Variants in GPC5 observed in about 807,000 individuals in gnomAD.
GPC5 encodes glypican-5.
GPC5 carries 47 observed loss-of-function variants against 53.9 expected under a neutral mutation model. That is an observed-to-expected ratio of 0.87 (90% CI 0.69 to 1.11). The LOEUF (loss-of-function observed/expected upper bound fraction) is 1.11, where lower values mean the gene tolerates loss of function less well. Among genes scored for constraint, GPC5 ranks in the 50% most tolerant of loss-of-function variants. GPC5 has a pLI of 0.00. For synonymous variants in GPC5, 286 were observed against 263.3 expected (o/e 1.09, Z -0.84); for missense variants, 748 against 713.1 (o/e 1.05, Z -0.56).
At position 92,212,038 on chromosome 13, in the gene GPC5, G is replaced by C. The variant is rs114092622; in HGVS notation, c.1561+67049G>C. 8.5e-3 allele frequency among the ~76,000 whole-genome samples: 1,290 copies of C among 151,826 alleles called. 24 individuals carry two copies. The highest frequency in any genetic ancestry group is 0.029 in the African/African-American group (1,207 of 41,308). Reference sequence around the variant, plus strand: ...CTTTGGGAAGTGATTGGGTCACAAGGGTGGAGCCCTGTTCCGCAGGTGGTA... The same window carrying C: ...CTTTGGGAAGTGATTGGGTCACAAGCGTGGAGCCCTGTTCCGCAGGTGGTA... On this transcript the variant is annotated intron_variant, in intron 7 of 7. Coordinates refer to ENST00000377067, the MANE Select transcript of GPC5 (RefSeq NM_004466.6).
chr13:91,416,624 A>G (rs1222121367), intron 1 of GPC5, among the ~76,000 whole-genome samples: 1 of 150,970 alleles, frequency 6.6e-6, no homozygotes, highest in African/African-American at 2.4e-5. Context: ...CCACCCCCTG[A>G]CAGGCCCTGG....
At chr13:92,433,085 A>G (rs756731773) in intron 7 of GPC5, among the ~76,000 whole-genome samples, 50 of 152,310 alleles carry the variant, frequency 3.3e-4, no homozygotes, top group Middle Eastern at 3.4e-3. Flanking sequence ...ATGTTTTAAG[A>G]TAGTTAATAC....
Position 92,499,493 on chromosome 13 carries a change from A to C in GPC5, c.1561+354504A>C, listed in dbSNP as rs75812560. On this transcript the variant is annotated intron_variant, in intron 7 of 7. Transcript: ENST00000377067. ...TGAAAATGTTTTCATAATGTGATTGACAACACCGAATATCTAGCCAAAGTA... is the reference window on the plus strand; with the variant it reads ...TGAAAATGTTTTCATAATGTGATTGCCAACACCGAATATCTAGCCAAAGTA... Among the ~76,000 whole-genome samples, 548 of 152,278 alleles carry C rather than the reference A, an allele frequency of 3.6e-3. 1 individual carries two copies. Among genetic ancestry groups the C allele is most frequent in the African/African-American group, 0.012 (512 of 41,548 alleles).
At chr13:91,520,831 G>A (rs759101352) in intron 2 of GPC5, among the ~76,000 whole-genome samples, 1 of 151,872 alleles carries the variant, frequency 6.6e-6, no homozygotes, top group Non-Finnish European at 1.5e-5. Flanking sequence ...GTCAACACTT[G>A]CTAAACTAGA....
At chr13:91,545,714 C>T (rs746644210) in intron 2 of GPC5, among the ~76,000 whole-genome samples, 6 of 152,032 alleles carry the variant, frequency 3.9e-5, no homozygotes, top group Non-Finnish European at 8.8e-5. Context: ...CCTCCTCCAC[C>T]TAGCCCCTAG....
intron 4 of GPC5, among the ~76,000 whole-genome samples, chr13:91,737,846 C>T (rs1044145651): frequency 2.6e-5 from 4 of 151,288 alleles, no homozygotes; most frequent in African/African-American, 9.8e-5. Flanking sequence ...TGTCTTCCTT[C>T]CACACTCTGA....
intron 7 of GPC5, among the ~76,000 whole-genome samples, chr13:92,188,973 A>G (rs899601298): frequency 1.3e-5 from 2 of 152,212 alleles, no homozygotes; most frequent in Non-Finnish European, 2.9e-5. Context: ...ACAACTTACT[A>G]AAGCAGAAAC....
chr13:92,479,031 C>G (rs1485178930), intron 7 of GPC5, among the ~76,000 whole-genome samples: 1 of 152,102 alleles, frequency 6.6e-6, no homozygotes, highest in Admixed American at 6.6e-5. Context: ...CGTCATTAGG[C>G]AATATGTACC....
chr13:92,266,712 T>TA (rs2042804738), intron 7 of GPC5, among the ~76,000 whole-genome samples: 2 of 152,202 alleles, frequency 1.3e-5, no homozygotes, highest in African/African-American at 4.8e-5. Flanking sequence ...CTTAGCATCT[T>TA]AAGTTTCAAA....
chr13:92,741,323 G>A (rs1358268527), intron 7 of GPC5, among the ~76,000 whole-genome samples: 1 of 151,764 alleles, frequency 6.6e-6, no homozygotes, highest in East Asian at 2.0e-4. Flanking sequence ...AGAGAGAATT[G>A]AGCAATCACA....
intron 6 of GPC5, among the ~76,000 whole-genome samples, chr13:91,926,572 T>C (rs1174330701): frequency 6.6e-6 from 1 of 152,126 alleles, no homozygotes; most frequent in Non-Finnish European, 1.5e-5. Flanking sequence ...GTTATTGTTA[T>C]GGCAAAATTC....
At chr13:92,279,837 T>G (rs962051543) in intron 7 of GPC5, among the ~76,000 whole-genome samples, 2 of 152,148 alleles carry the variant, frequency 1.3e-5, no homozygotes, top group Non-Finnish European at 2.9e-5. Context: ...TGAGCATTTT[T>G]GCATCTACAT....
intron 7 of GPC5, among the ~76,000 whole-genome samples, chr13:92,159,593 CTTTTTTTTTT>C (rs71120074): frequency 5.4e-4 from 31 of 57,216 alleles, no homozygotes; most frequent in East Asian, 2.0e-3. Flanking sequence ...TACCAATGTT[CTTTTTTTTTT>C]TTTTTTTTTT....
intron 2 of GPC5, among the ~76,000 whole-genome samples, chr13:91,600,510 C>T (rs891670025): frequency 6.6e-6 from 1 of 151,376 alleles, no homozygotes; most frequent in Non-Finnish European, 1.5e-5. Flanking sequence ...TAAATATAAA[C>T]AATTTTTATT....
chr13:91,554,454 T>C (rs893981516), intron 2 of GPC5, among the ~76,000 whole-genome samples: 2 of 151,892 alleles, frequency 1.3e-5, no homozygotes, highest in Non-Finnish European at 2.9e-5. Flanking sequence ...CACTAAATAA[T>C]TTGCTGAAGG....
intron 7 of GPC5, among the ~76,000 whole-genome samples, chr13:92,388,975 G>A (rs939706450): frequency 1.3e-5 from 2 of 152,088 alleles, no homozygotes; most frequent in Non-Finnish European, 2.9e-5. Flanking sequence ...TTGATATTCT[G>A]TGAAGTTGTT....
chr13:91,465,162 ATCT>A (rs1220083434), intron 2 of GPC5, among the ~76,000 whole-genome samples: 1 of 152,020 alleles, frequency 6.6e-6, no homozygotes, highest in Non-Finnish European at 1.5e-5. Context: ...ATTGTCTATA[ATCT>A]TCTTGCTTTC....
intron 7 of GPC5, among the ~76,000 whole-genome samples, chr13:92,288,792 G>T (rs112973552): frequency 2.0e-5 from 3 of 152,158 alleles, no homozygotes; most frequent in African/African-American, 7.2e-5. Context: ...AACACACTTA[G>T]ATTATTATTT....
At chr13:91,487,101 G>A (rs1425140678) in intron 2 of GPC5, among the ~76,000 whole-genome samples, 6 of 152,132 alleles carry the variant, frequency 3.9e-5, no homozygotes, top group Admixed American at 1.3e-4. Flanking sequence ...CACCTTCTGA[G>A]GGTTTGCTGA....
Sources: gnomAD v4.1 joint callset for allele counts (sites outside exome capture counted in the v4.1 genomes callset) on GRCh38, gnomAD v4.1.1 for gene constraint, MANE v1.5 for transcripts, NCBI Gene and HGNC (gene_info 2026-07-23, HGNC 2026-07-21) for gene names.